Variants in FRMD4A observed in about 807,000 individuals in gnomAD.
FRMD4A encodes FERM domain-containing protein 4A.
In FRMD4A, 29 loss-of-function variants were observed where a neutral mutation model predicts 129.1. The observed-to-expected ratio is 0.22, with a 90% CI of 0.17 to 0.31. FRMD4A has a LOEUF of 0.31. Ranked by LOEUF, FRMD4A falls within the 10% of genes least tolerant of loss-of-function variation. FRMD4A has a pLI of 1.00. For synonymous variants in FRMD4A, 634 were observed against 571.6 expected (o/e 1.11, Z -1.56); for missense variants, 1,272 against 1,375.8 (o/e 0.92, Z 1.19).
intron 2 of FRMD4A, among the ~76,000 whole-genome samples, chr10:14,038,438 T>C (rs1176990817): frequency 6.6e-6 from 1 of 152,168 alleles, no homozygotes; most frequent in African/African-American, 2.4e-5. Flanking sequence ...TTAGAGGAGA[T>C]GAAAATTAAA....
chr10:13,670,575 G>C (rs533824829), intron 16 of FRMD4A, 47 bp from the exon 17 acceptor site: 1 of 1,601,084 alleles, frequency 6.2e-7, no homozygotes, highest in East Asian at 2.3e-5. Context: ...TCAGAGTGGG[G>C]CGTGTCTGCT....
intron 2 of FRMD4A, among the ~76,000 whole-genome samples, chr10:14,046,714 C>T (rs185391918): frequency 9.9e-5 from 15 of 152,282 alleles, no homozygotes; most frequent in African/African-American, 2.6e-4. Context: ...ATGGTGCTCA[C>T]GGCTGTAATG....
intron 2 of FRMD4A, among the ~76,000 whole-genome samples, chr10:14,213,502 G>T (rs1842987452): frequency 6.6e-6 from 1 of 152,156 alleles, no homozygotes; most frequent in Non-Finnish European, 1.5e-5. Context: ...CTCTGGTCCA[G>T]GTTTTAACAC....
chr10:13,904,533 C>T (rs1288996626), intron 2 of FRMD4A, among the ~76,000 whole-genome samples: 2 of 152,204 alleles, frequency 1.3e-5, no homozygotes, highest in Non-Finnish European at 1.5e-5. Flanking sequence ...ACAGGCATCA[C>T]GGCAGTGCTT....
At chr10:14,086,798 T>G (rs2131743690) in intron 2 of FRMD4A, among the ~76,000 whole-genome samples, 1 of 152,340 alleles carries the variant, frequency 6.6e-6, no homozygotes, top group African/African-American at 2.4e-5. Flanking sequence ...GGACTCATTC[T>G]TGGTCTTCTG....
intron 2 of FRMD4A, among the ~76,000 whole-genome samples, chr10:13,960,065 G>A (rs2095437086): frequency 6.6e-6 from 1 of 152,142 alleles, no homozygotes; most frequent in African/African-American, 2.4e-5. Flanking sequence ...GGGATCAGAG[G>A]GAAGAGAGAA....
intron 2 of FRMD4A, among the ~76,000 whole-genome samples, chr10:14,185,810 G>A (rs561967021): frequency 1.3e-5 from 2 of 152,150 alleles, no homozygotes; most frequent in African/African-American, 2.4e-5. Context: ...GGGCGGAATA[G>A]GGTAGACAGG....
At chr10:13,685,292 T>G in intron 15 of FRMD4A, 1 of 985,406 alleles carries the variant, frequency 1.0e-6, no homozygotes, top group African/African-American at 1.7e-5. Context: ...TGGAAGAGCT[T>G]TGCTTTCTGG....
At chr10:14,129,409 A>AATATATATATAT (rs1839121791) in intron 2 of FRMD4A, among the ~76,000 whole-genome samples, 2 of 93,498 alleles carry the variant, frequency 2.1e-5, no homozygotes, top group African/African-American at 9.7e-5. Flanking sequence ...TATATATATA[A>AATATATATATAT]AAAATATGAG....
chr10:13,805,364 G>A (rs952234456), intron 4 of FRMD4A, among the ~76,000 whole-genome samples: 1 of 151,646 alleles, frequency 6.6e-6, no homozygotes, highest in East Asian at 1.9e-4. Flanking sequence ...TTTTAAATTT[G>A]GAGTAATGGC....
intron 9 of FRMD4A, among the ~76,000 whole-genome samples, chr10:13,746,907 A>T (rs1282406807): frequency 6.6e-6 from 1 of 152,182 alleles, no homozygotes; most frequent in Non-Finnish European, 1.5e-5. Context: ...ATCATTCAGA[A>T]TCAGCCATTT....
chr10:13,895,701 C>T (rs2094749643), intron 2 of FRMD4A, among the ~76,000 whole-genome samples: 1 of 152,132 alleles, frequency 6.6e-6, no homozygotes, highest in African/African-American at 2.4e-5. Flanking sequence ...TTCTGCACAG[C>T]AAAAGAAACT....
intron 2 of FRMD4A, among the ~76,000 whole-genome samples, chr10:14,054,762 C>T (rs1052917618): frequency 6.6e-6 from 1 of 152,162 alleles, no homozygotes; most frequent in Non-Finnish European, 1.5e-5. Context: ...GTGGGAGGGA[C>T]CTCGTGGGAG....
intron 2 of FRMD4A, among the ~76,000 whole-genome samples, chr10:13,898,951 G>C (rs919448698): frequency 6.6e-6 from 1 of 152,120 alleles, no homozygotes; most frequent in Non-Finnish European, 1.5e-5. Flanking sequence ...GGAGGGCCGA[G>C]GTGGGAGGAT....
intron 4 of FRMD4A, among the ~76,000 whole-genome samples, chr10:13,804,555 T>TTTCTTTCTTTCTTTC (rs2093325125): frequency 7.8e-6 from 1 of 128,350 alleles, no homozygotes; most frequent in Admixed American, 7.5e-5. Context: ...TTATTTCTTT[T>TTTCTTTCTTTCTTTC]TTTTGTTGAG....
At chr10:13,855,957 C>A (rs564683763) in intron 3 of FRMD4A, among the ~76,000 whole-genome samples, 1 of 151,870 alleles carries the variant, frequency 6.6e-6, no homozygotes, top group East Asian at 1.9e-4. Flanking sequence ...AATTTAGAAC[C>A]TTTCCATATA....
intron 6 of FRMD4A, among the ~76,000 whole-genome samples, chr10:13,775,686 C>T (rs1214404813): frequency 6.6e-6 from 1 of 152,136 alleles, no homozygotes. Context: ...CGGGTTGAGA[C>T]TCTGCATGAG....
chr10:13,934,495 T>C (rs2095232128), intron 2 of FRMD4A, among the ~76,000 whole-genome samples: 1 of 152,136 alleles, frequency 6.6e-6, no homozygotes, highest in African/African-American at 2.4e-5. Context: ...ATGGAGATGC[T>C]GGCTGTCCTT....
chr10:13,915,457 G>A (rs527819047), intron 2 of FRMD4A, among the ~76,000 whole-genome samples: 1 of 152,060 alleles, frequency 6.6e-6, no homozygotes, highest in Non-Finnish European at 1.5e-5. Context: ...CGGATCACAA[G>A]GTCAGGAGAT....
Sources: allele counts gnomAD v4.1 joint callset (sites outside exome capture counted in the v4.1 genomes callset), GRCh38; gene constraint gnomAD v4.1.1; transcripts MANE v1.5; gene names NCBI Gene and HGNC (gene_info 2026-07-23, HGNC 2026-07-21).